Variants in FBXW8 observed in about 807,000 individuals in gnomAD.
The protein encoded by FBXW8 is F-box and WD repeat domain containing 8, also known as F-box/WD repeat-containing protein 8.
In FBXW8, 57 loss-of-function variants were observed where a neutral mutation model predicts 65.3. The observed-to-expected ratio is 0.87, with a 90% CI of 0.71 to 1.09. The LOEUF (loss-of-function observed/expected upper bound fraction) is 1.09, where lower values mean the gene tolerates loss of function less well. Among genes scored for constraint, FBXW8 ranks in the 50% least tolerant of loss-of-function variants. The pLI is 0.00. For missense variants in FBXW8, 777 were observed against 814.8 expected, an observed-to-expected ratio of 0.95 and a Z score of 0.57; for synonymous variants, 308 against 330.2, an observed-to-expected ratio of 0.93 and a Z score of 0.73.
chr12:117,001,745 CCAGT>C (rs1317921424), intron 7 of FBXW8, among the ~76,000 whole-genome samples: 2 of 152,058 alleles, frequency 1.3e-5, no homozygotes, highest in African/African-American at 2.4e-5. Flanking sequence ...TTTTCAGCTC[CCAGT>C]CAGTCATACA....
At chr12:117,027,569 C>A (rs374462591) in intron 10 of FBXW8, 65 bp downstream of exon 10, 21 of 1,255,340 alleles carry the variant, frequency 1.7e-5, no homozygotes, top group Admixed American at 2.0e-5. Flanking sequence ...AACCCCACCC[C>A]CCCCGCCGTG....
intron 2 of FBXW8, among the ~76,000 whole-genome samples, chr12:116,937,049 T>C (rs759727436): frequency 2.2e-4 from 33 of 152,102 alleles, no homozygotes; most frequent in Non-Finnish European, 4.3e-4. Flanking sequence ...TGGGCCAGGA[T>C]GGCACCAGCA....
chr12:117,026,408 C>T (rs548558756), intron 9 of FBXW8, among the ~76,000 whole-genome samples: 1 of 151,762 alleles, frequency 6.6e-6, no homozygotes, highest in African/African-American at 2.4e-5. Context: ...TCCACCAAGC[C>T]TGCCCTCCCT....
Position 116,975,130 on chromosome 12 carries a change from G to A in FBXW8, c.836-10076G>A, listed in dbSNP as rs191953951. On this transcript the variant is annotated intron_variant, in intron 5 of 10. Transcript: ENST00000652555. Reference sequence around the variant, plus strand: ...ACAGTAGTAGTTGAATTGCTGTATGGGAAAGGATGATGAAAATAGAAAGCC... The same window carrying A: ...ACAGTAGTAGTTGAATTGCTGTATGAGAAAGGATGATGAAAATAGAAAGCC... Among the ~76,000 whole-genome samples, 5 of 152,302 alleles carry A rather than the reference G, an allele frequency of 3.3e-5. No homozygotes were observed. The East Asian group carries it at 9.6e-4, about 29-fold the overall frequency.
intron 5 of FBXW8, chr12:116,979,167 G>T (rs1885138979): frequency 6.6e-6 from 1 of 152,220 alleles, no homozygotes; most frequent in Non-Finnish European, 1.5e-5. Flanking sequence ...TTTCACAGTG[G>T]TAGCACTTTC....
Position 116,911,299 on chromosome 12 carries a change from G to C in FBXW8, c.262G>C (p.Ala88Pro), listed in dbSNP as rs1879911263. ...AGCGAGCCGCTCACGTTCTCCTCTG[G>C]CCCGCGAGGGCGCCGGGGGCGGGGA... ...DVASRSRSPL[A>P]REGAGGGEQL... The change falls in exon 1 of 11, where the codon GCC becomes CCC. Residue 88 changes from alanine (A) to proline (P), a missense_variant. Transcript: ENST00000652555. 1 of 1,281,058 alleles carries C rather than the reference G, an allele frequency of 7.8e-7. No individual in the cohort carries two copies. Among genetic ancestry groups the C allele is most frequent in the Non-Finnish European group, 9.8e-7 (1 of 1,017,248 alleles). 79.4% of individuals were successfully genotyped at this position (1,281,058 alleles called of 1,614,324 possible).
At chr12:116,994,119 A>G (rs1953317237) in intron 7 of FBXW8, among the ~76,000 whole-genome samples, 1 of 152,246 alleles carries the variant, frequency 6.6e-6, no homozygotes, top group Admixed American at 6.5e-5. Flanking sequence ...AAATTATACT[A>G]CAAGGCTATA....
chr12:116,913,450 A>C (rs969711497), intron 1 of FBXW8, among the ~76,000 whole-genome samples: 10 of 152,280 alleles, frequency 6.6e-5, no homozygotes, highest in Admixed American at 4.6e-4. Context: ...TAAGTCAGTT[A>C]ACACATATTT....
intron 7 of FBXW8, among the ~76,000 whole-genome samples, chr12:117,003,912 A>C (rs1000429762): frequency 6.6e-6 from 1 of 151,684 alleles, no homozygotes; most frequent in African/African-American, 2.4e-5. Flanking sequence ...TATGTCTGGG[A>C]TTTATTTATT....
intron 5 of FBXW8, among the ~76,000 whole-genome samples, chr12:116,973,733 T>G (rs1884765161): frequency 6.6e-6 from 1 of 152,174 alleles, no homozygotes; most frequent in East Asian, 1.9e-4. Context: ...GACCTGACAA[T>G]GGAGTGCAGT....
rs1427060219 is a variant in FBXW8 at position 116,912,186 on chromosome 12, T to C, written c.318+831T>C. Among the ~76,000 whole-genome samples the C allele has an allele frequency of 4.4e-5, 5 of 113,284 alleles. No individual in the cohort carries two copies. The Admixed American group carries it at 4.8e-4, about 11-fold the overall frequency. 74.3% of individuals were successfully genotyped at this position (113,284 alleles called of 152,430 possible). ...TTTTTTTCCTGTTTTTTTTTTTTTTTCTTTCTTTCTTTCTTTTCTGAGACA... is the reference window on the plus strand; with the variant it reads ...TTTTTTTCCTGTTTTTTTTTTTTTTCCTTTCTTTCTTTCTTTTCTGAGACA... On this transcript the variant is annotated intron_variant, in intron 1 of 10. Coordinates refer to ENST00000652555, the MANE Select transcript of FBXW8 (RefSeq NM_153348.3).
intron 7 of FBXW8, among the ~76,000 whole-genome samples, chr12:117,009,742 G>C (rs978391578): frequency 8.5e-5 from 13 of 152,128 alleles, no homozygotes; most frequent in African/African-American, 2.9e-4. Flanking sequence ...ATACCCTATG[G>C]AACACAGCAT....
intron 1 of FBXW8, among the ~76,000 whole-genome samples, chr12:116,922,334 G>A (rs1261416395): frequency 1.3e-5 from 2 of 152,030 alleles, no homozygotes; most frequent in African/African-American, 4.8e-5. Flanking sequence ...ACTCCACTCA[G>A]CTTTTGCAGT....
intron 5 of FBXW8, chr12:116,977,635 G>C (rs564868920): frequency 6.6e-6 from 1 of 151,918 alleles, no homozygotes; most frequent in African/African-American, 2.4e-5. Flanking sequence ...TGATCTCTTC[G>C]GGATAGAGTC....
chr12:116,932,645 C>G (rs796481026), intron 2 of FBXW8, among the ~76,000 whole-genome samples: 1 of 152,190 alleles, frequency 6.6e-6, no homozygotes, highest in Non-Finnish European at 1.5e-5. Flanking sequence ...AAGCTATTCT[C>G]CTGCCTCAGC....
intron 7 of FBXW8, among the ~76,000 whole-genome samples, chr12:117,007,388 C>T (rs1420021840): frequency 6.6e-6 from 1 of 152,206 alleles, no homozygotes; most frequent in Non-Finnish European, 1.5e-5. Flanking sequence ...TTCTCTGTGT[C>T]ATGCATTTCC....
At chr12:116,958,292 G>C (rs11068264) in intron 4 of FBXW8, among the ~76,000 whole-genome samples, 101,741 of 152,178 alleles carry the variant, frequency 0.67, 38,894 homozygotes, top group Non-Finnish European at 0.84. Flanking sequence ...TGCTTTTATT[G>C]ATTGGTATTC....
intron 5 of FBXW8, among the ~76,000 whole-genome samples, chr12:116,974,421 G>A (rs544589617): frequency 6.6e-6 from 1 of 152,150 alleles, no homozygotes; most frequent in African/African-American, 2.4e-5. Context: ...CTTCAGAAGG[G>A]TACCATGTTT....
intron 1 of FBXW8, among the ~76,000 whole-genome samples, chr12:116,925,997 G>A (rs1022282096): frequency 1.3e-5 from 2 of 152,200 alleles, no homozygotes; most frequent in Non-Finnish European, 2.9e-5. Context: ...CAGGGCTAGG[G>A]TGATGCCAAG....
Sources: gnomAD v4.1 joint callset for allele counts (sites outside exome capture counted in the v4.1 genomes callset) on GRCh38, gnomAD v4.1.1 for gene constraint, MANE v1.5 for transcripts, NCBI Gene and HGNC (gene_info 2026-07-23, HGNC 2026-07-21) for gene names.